Variants in SMG7 observed in about 807,000 individuals in gnomAD.
The protein encoded by SMG7 is SMG7 nonsense mediated mRNA decay factor, also known as nonsense-mediated mRNA decay factor SMG7.
In SMG7, 34 loss-of-function variants were observed where a neutral mutation model predicts 148.2. The observed-to-expected ratio is 0.23, with a 90% CI of 0.17 to 0.31. The LOEUF is 0.31. Ranked by LOEUF, SMG7 falls within the 10% of genes least tolerant of loss-of-function variation. SMG7 has a pLI of 1.00. For synonymous variants in SMG7, 492 were observed against 515.1 expected (o/e 0.96, Z 0.61); for missense variants, 1,114 against 1,408.4 (o/e 0.79, Z 3.35).
At chr1:183,483,900 C>T (rs951030113) in intron 1 of SMG7, among the ~76,000 whole-genome samples, 9 of 152,070 alleles carry the variant, frequency 5.9e-5, no homozygotes, top group African/African-American at 1.2e-4. Context: ...GTTGTTTAAA[C>T]GCATACACAG....
At chr1:183,520,815 A>G (rs1193446170) in intron 4 of SMG7, among the ~76,000 whole-genome samples, 1 of 152,200 alleles carries the variant, frequency 6.6e-6, no homozygotes, top group African/African-American at 2.4e-5. Context: ...TTGAGGGAGT[A>G]TGGTATTTGT....
At chr1:183,519,126 G>C (rs1348357751) in intron 4 of SMG7, among the ~76,000 whole-genome samples, 1 of 152,160 alleles carries the variant, frequency 6.6e-6, no homozygotes, top group Non-Finnish European at 1.5e-5. Context: ...CCAGGAGTTT[G>C]AGGCTGCAGT....
chr1:183,472,928 T>G, intron 1 of SMG7: 16 of 348,862 alleles, frequency 4.6e-5, no homozygotes, highest in South Asian at 1.3e-4. Flanking sequence ...GCCCTTGGTC[T>G]CGGGTTTGCT....
chr1:183,518,960 A>G (rs967665731), intron 4 of SMG7, among the ~76,000 whole-genome samples: 1 of 152,176 alleles, frequency 6.6e-6, no homozygotes, highest in Non-Finnish European at 1.5e-5. Flanking sequence ...AGAGAAAAGA[A>G]TCTCTGCTGG....
Position 183,552,818 on chromosome 1 carries a change from G to A in SMG7, c.*887G>A. ...ATTCACAGCCTGACACGTTCTAATAGGTAGAAGCTTTCAGTGTGGTTATTT... is the reference window on the plus strand; with the variant it reads ...ATTCACAGCCTGACACGTTCTAATAAGTAGAAGCTTTCAGTGTGGTTATTT... On this transcript the variant is annotated 3_prime_UTR_variant, in exon 23 of 23. Coordinates refer to ENST00000688051, the MANE Select transcript of SMG7 (RefSeq NM_001375584.1). 7.0e-7 allele frequency: 1 copy of A among 1,430,374 alleles called. No individual in the cohort carries two copies. The allele number at this position is 1,430,374 out of a possible 1,614,324, so 88.6% of individuals were successfully genotyped here.
chr1:183,494,133 A>G (rs939559651), intron 1 of SMG7, among the ~76,000 whole-genome samples: 2 of 152,114 alleles, frequency 1.3e-5, no homozygotes, highest in Non-Finnish European at 2.9e-5. Context: ...GACTACAGGC[A>G]TACGCCACCA....
intron 1 of SMG7, 124 bp from the exon 2 acceptor site, chr1:183,512,713 T>C (rs1246212839): frequency 6.7e-6 from 6 of 891,594 alleles, no homozygotes; most frequent in South Asian, 3.4e-5. Flanking sequence ...GCCACAAATA[T>C]AGCTGCTGTA....
intron 1 of SMG7, among the ~76,000 whole-genome samples, chr1:183,476,529 G>GACCA (rs910019881): frequency 2.0e-5 from 3 of 152,080 alleles, no homozygotes; most frequent in African/African-American, 7.2e-5. Flanking sequence ...GTCCCAGTAA[G>GACCA]ACCAATAAAG....
At chr1:183,498,048 A>G (rs1342508596) in intron 1 of SMG7, among the ~76,000 whole-genome samples, 1 of 152,198 alleles carries the variant, frequency 6.6e-6, no homozygotes, top group Non-Finnish European at 1.5e-5. Context: ...AGCACCTGGA[A>G]GTAGAGAATG....
intron 1 of SMG7, chr1:183,502,462 G>A: frequency 1.7e-6 from 2 of 1,161,794 alleles, no homozygotes. Flanking sequence ...TTCATACTCT[G>A]TGAATACTAA....
intron 8 of SMG7, among the ~76,000 whole-genome samples, chr1:183,532,095 CT>C (rs1326235036): frequency 6.6e-5 from 10 of 152,148 alleles, no homozygotes; most frequent in Non-Finnish European, 1.3e-4. Context: ...AGACTTCCCT[CT>C]TAGAATCGTA....
At chr1:183,521,382 G>C (rs1419994961) in intron 4 of SMG7, among the ~76,000 whole-genome samples, 2 of 152,142 alleles carry the variant, frequency 1.3e-5, no homozygotes, top group African/African-American at 4.8e-5. Context: ...TTACAGGCGT[G>C]AGCCACTGCA....
rs978184280 is a variant in SMG7 at position 183,552,739 on chromosome 1, C to T, written c.*808C>T. The T allele has an allele frequency of 2.2e-6, 3 of 1,354,544 alleles. No homozygotes were observed. Among genetic ancestry groups the T allele is most frequent in the Admixed American group, 3.2e-5 (1 of 30,866 alleles). 83.9% of individuals were successfully genotyped at this position (1,354,544 alleles called of 1,614,324 possible). ...AGGATTTCAAATTACGTTTTTGATT[C>T]CTGTACATTTTACAGTCGCACAGCA... On this transcript the variant is annotated 3_prime_UTR_variant, in exon 23 of 23. Transcript: ENST00000688051.
chr1:183,541,184 A>G (rs1668774971), intron 13 of SMG7, 81 bp downstream of exon 13: 2 of 1,226,422 alleles, frequency 1.6e-6, no homozygotes, highest in Non-Finnish European at 2.3e-6. Flanking sequence ...GCGCACACAC[A>G]CACATCTCAT....
chr1:183,542,950 T>TGTGTGTGTGTGTGTGTGTGC (rs1669184474), intron 14 of SMG7, among the ~76,000 whole-genome samples: 7 of 149,272 alleles, frequency 4.7e-5, no homozygotes, highest in Non-Finnish European at 7.5e-5. Flanking sequence ...TGTGTGTGTG[T>TGTGTGTGTGTGTGTGTGTGC]GTGTGTGTGT....
chr1:183,543,351 G>A (rs1669282588), intron 14 of SMG7, among the ~76,000 whole-genome samples: 1 of 152,056 alleles, frequency 6.6e-6, no homozygotes, highest in South Asian at 2.1e-4. Context: ...TACCTTTGAA[G>A]TATTTCTCTA....
chr1:183,475,895 AATG>A (rs1278273458), intron 1 of SMG7, among the ~76,000 whole-genome samples: 1 of 152,218 alleles, frequency 6.6e-6, no homozygotes, highest in Non-Finnish European at 1.5e-5. Context: ...AAATGAATAC[AATG>A]ATATTTTTCA....
chr1:183,533,955 T>G, intron 10 of SMG7, 123 bp downstream of exon 10: 1 of 762,012 alleles, frequency 1.3e-6, no homozygotes, highest in South Asian at 2.1e-5. Flanking sequence ...TTCTGCCGAC[T>G]CTCGGGAATT....
In SMG7 at chr1:183,515,605, C is replaced by CTT. The variant is rs35057958; in HGVS notation, c.62-252_62-251dup. 3.8e-3 allele frequency among the ~76,000 whole-genome samples: 471 copies of CTT among 123,206 alleles called. 4 individuals are homozygous for CTT. Among genetic ancestry groups the CTT allele is most frequent in the African/African-American group, 0.012 (429 of 34,812 alleles). 80.8% of individuals were successfully genotyped at this position (123,206 alleles called of 152,430 possible). On this transcript the variant is annotated intron_variant, in intron 2 of 22. Coordinates refer to ENST00000688051, the MANE Select transcript of SMG7 (RefSeq NM_001375584.1). Reference sequence around the variant, plus strand: ...AACAAAAAGCAAAGGGCAAACCATTCTTTTTTTTTTTTTTTTTTAGCCCTT... The same window carrying CTT: ...AACAAAAAGCAAAGGGCAAACCATTCTTTTTTTTTTTTTTTTTTTTAGCCCTT...
Sources: gnomAD v4.1 joint callset for allele counts (sites outside exome capture counted in the v4.1 genomes callset) on GRCh38, gnomAD v4.1.1 for gene constraint, MANE v1.5 for transcripts, NCBI Gene and HGNC (gene_info 2026-07-23, HGNC 2026-07-21) for gene names.